Variants in LSAMP observed in about 807,000 individuals in gnomAD.
The protein encoded by LSAMP is limbic system-associated membrane protein.
LSAMP carries 7 observed loss-of-function variants against 38.6 expected under a neutral mutation model. The ratio of observed to expected loss-of-function variants is 0.18; its 90% CI spans 0.10 to 0.34. The LOEUF is 0.34. LSAMP is among the 10% of genes least tolerant of loss of function. The probability of loss-of-function intolerance (pLI) is 1.00; values close to 1 mark genes in which losing one functional copy is unlikely to be tolerated. For synonymous variants in LSAMP, 154 were observed against 166.8 expected, an observed-to-expected ratio of 0.92 and a Z score of 0.59; for missense variants, 313 against 420.0, an observed-to-expected ratio of 0.75 and a Z score of 2.23.
chr3:115,818,384 T>C (rs929624419), intron 6 of LSAMP, among the ~76,000 whole-genome samples: 1 of 152,104 alleles, frequency 6.6e-6, no homozygotes, highest in African/African-American at 2.4e-5. Context: ...ACTAAGTTTA[T>C]GGTACACAGG....
chr3:115,965,091 G>T (rs1468398312), intron 3 of LSAMP, among the ~76,000 whole-genome samples: 1 of 151,998 alleles, frequency 6.6e-6, no homozygotes, highest in African/African-American at 2.4e-5. Context: ...CAAAAAATAC[G>T]ATATGAGAGA....
At chr3:116,271,819 A>G (rs1011242401) in intron 1 of LSAMP, among the ~76,000 whole-genome samples, 1 of 152,026 alleles carries the variant, frequency 6.6e-6, no homozygotes, top group Non-Finnish European at 1.5e-5. Context: ...ATCCAATAAT[A>G]TGCAAACTTA....
At chr3:116,347,159 T>C (rs2048074069) in intron 1 of LSAMP, among the ~76,000 whole-genome samples, 1 of 152,200 alleles carries the variant, frequency 6.6e-6, no homozygotes, top group Non-Finnish European at 1.5e-5. Context: ...AAAGTGCTGA[T>C]ACTTTTATAC....
At chr3:116,120,600 T>C (rs576513940) in intron 1 of LSAMP, among the ~76,000 whole-genome samples, 36 of 152,254 alleles carry the variant, frequency 2.4e-4, no homozygotes, top group Admixed American at 2.2e-3. Context: ...GTGAGGGCAG[T>C]TCCCAGAGCA....
chr3:115,896,434 A>G (rs116074031), intron 3 of LSAMP, among the ~76,000 whole-genome samples: 1 of 152,094 alleles, frequency 6.6e-6, no homozygotes, highest in Non-Finnish European at 1.5e-5. Flanking sequence ...GGTGTAATAT[A>G]CTCCTTGTGG....
At chr3:116,313,673 G>T (rs2047588753) in intron 1 of LSAMP, among the ~76,000 whole-genome samples, 1 of 152,218 alleles carries the variant, frequency 6.6e-6, no homozygotes, top group Non-Finnish European at 1.5e-5. Flanking sequence ...TTAGAATGTG[G>T]TCAGGCACAG....
In LSAMP at chr3:115,908,301, G is replaced by T. The variant is rs191494832; in HGVS notation, c.515-55684C>A. Among the ~76,000 whole-genome samples, 1,336 of 152,078 alleles carry T rather than the reference G, an allele frequency of 8.8e-3. 18 individuals are homozygous for T. Among genetic ancestry groups the T allele is most frequent in the African/African-American group, 0.03 (1,228 of 41,488 alleles). The stretch of plus-strand genomic sequence containing the variant: ...CTCAATATCCAATCAAATGATTTTA[G>T]TTTACCCTAAACTTTACAAAAGAAT... On this transcript the variant is annotated intron_variant, in intron 3 of 6. Coordinates refer to ENST00000490035, the MANE Select transcript of LSAMP (RefSeq NM_002338.5).
chr3:115,982,066 C>T (rs1026095334), intron 3 of LSAMP, among the ~76,000 whole-genome samples: 4 of 152,214 alleles, frequency 2.6e-5, no homozygotes, highest in African/African-American at 9.6e-5. Context: ...AATGCCTCCA[C>T]ATTTTATTTA....
chr3:116,230,851 G>A (rs2046395581), intron 1 of LSAMP, among the ~76,000 whole-genome samples: 1 of 152,112 alleles, frequency 6.6e-6, no homozygotes, highest in South Asian at 2.1e-4. Flanking sequence ...AAAATGAGAT[G>A]AATTGCCTTC....
intron 2 of LSAMP, among the ~76,000 whole-genome samples, chr3:116,085,043 T>C (rs576123324): frequency 5.1e-4 from 78 of 152,172 alleles, no homozygotes; most frequent in Non-Finnish European, 9.9e-4. Flanking sequence ...CATATTTACA[T>C]ATTTCTAGTT....
intron 6 of LSAMP, among the ~76,000 whole-genome samples, chr3:115,818,345 C>T (rs1388109908): frequency 6.6e-6 from 1 of 152,116 alleles, no homozygotes; most frequent in Non-Finnish European, 1.5e-5. Context: ...GGCCTCAATC[C>T]TCGATGAGGC....
At chr3:116,083,102 A>C (rs2107413620) in intron 2 of LSAMP, among the ~76,000 whole-genome samples, 1 of 152,336 alleles carries the variant, frequency 6.6e-6, no homozygotes, top group South Asian at 2.1e-4. Context: ...ACAGCTGAAA[A>C]AAATGGGCTA....
At chr3:116,153,925 A>G (rs982408244) in intron 1 of LSAMP, among the ~76,000 whole-genome samples, 2 of 152,024 alleles carry the variant, frequency 1.3e-5, no homozygotes, top group Non-Finnish European at 2.9e-5. Context: ...CAACCAAGCA[A>G]CTCTAGCTCT....
Position 116,086,538 on chromosome 3 carries a change from C to A in LSAMP, c.174G>T (p.Lys58Asn). The A allele has an allele frequency of 6.2e-7, 1 of 1,614,156 alleles. No individual in the cohort carries two copies. ...TAILRCVVED[K>N]NSKVAWLNRS... is the part of the protein sequence containing the mutation. ...GGTTCAACCAGGCCACCTTTGAGTT[C>A]TTGTCTTCTACAACGCACCTGACAG... Residue 58 changes from lysine (K) to asparagine (N), a missense_variant, in exon 2 of 7, where the codon AAG becomes AAT. By Grantham distance (94) the Lys-to-Asn change is moderately conservative. Coordinates refer to ENST00000490035, the MANE Select transcript of LSAMP (RefSeq NM_002338.5).
chr3:115,819,209 G>A (rs138327190), intron 6 of LSAMP, among the ~76,000 whole-genome samples: 2 of 152,126 alleles, frequency 1.3e-5, no homozygotes, highest in East Asian at 1.9e-4. Context: ...ACTTTGGGAG[G>A]CCGAGGTGGG....
chr3:115,897,113 A>G (rs1936748264), intron 3 of LSAMP, among the ~76,000 whole-genome samples: 1 of 152,140 alleles, frequency 6.6e-6, no homozygotes, highest in African/African-American at 2.4e-5. Flanking sequence ...GACCCTTACC[A>G]GAGAATCTCT....
At chr3:116,058,682 T>C (rs998593120) in intron 2 of LSAMP, among the ~76,000 whole-genome samples, 2 of 152,166 alleles carry the variant, frequency 1.3e-5, no homozygotes, top group Non-Finnish European at 2.9e-5. Context: ...TTGTGAAGTA[T>C]GCTGCATAAA....
chr3:115,988,944 C>T (rs1939589918), intron 3 of LSAMP, among the ~76,000 whole-genome samples: 1 of 151,956 alleles, frequency 6.6e-6, no homozygotes, highest in Non-Finnish European at 1.5e-5. Context: ...GTTTTGACTC[C>T]CTTTCTCTTG....
chr3:115,988,784 G>A (rs143539104), intron 3 of LSAMP, among the ~76,000 whole-genome samples: 3 of 152,082 alleles, frequency 2.0e-5, no homozygotes, highest in East Asian at 1.9e-4. Context: ...TTTTCTAAGC[G>A]TTGTTCTTTC....
Sources: gnomAD v4.1 joint callset for allele counts (sites outside exome capture counted in the v4.1 genomes callset) on GRCh38, gnomAD v4.1.1 for gene constraint, MANE v1.5 for transcripts, NCBI Gene and HGNC (gene_info 2026-07-23, HGNC 2026-07-21) for gene names.